The following ALG13 variants were observed in gnomAD, a reference collection of about 807,000 sequenced individuals.
ALG13 encodes the protein ALG13 UDP-N-acetylglucosaminyltransferase subunit.
A neutral mutation model predicts 87.8 loss-of-function variants in ALG13; 11 were observed. That is an observed-to-expected ratio of 0.13 (90% CI 0.08 to 0.21). The LOEUF (loss-of-function observed/expected upper bound fraction) is 0.21. Among genes scored for constraint, ALG13 ranks in the 10% least tolerant of loss-of-function variants. ALG13 has a pLI of 1.00. For synonymous variants in ALG13, 320 were observed against 306.3 expected (o/e 1.04, Z -0.47); for missense variants, 756 against 866.1 (o/e 0.87, Z 1.60).
rs766333244 is a variant in ALG13, at chrX:111,705,563, G to C, written c.384-2464G>C. Among the ~76,000 whole-genome samples the C allele has an allele frequency of 8.1e-5, 9 of 111,057 alleles. No individual in the cohort carries two copies. The East Asian group carries it at 2.2e-3, about 28-fold the overall frequency. On this transcript the variant is annotated intron_variant, in intron 3 of 26. Coordinates refer to ENST00000394780, the MANE Select transcript of ALG13 (RefSeq NM_001099922.3). ...CAGGATCTTAAAGATTTTCTCCTAT[G>C]TTTTATTTTTTAAAATTTTGAAGTT...
chrX:111,683,856 G>A (rs148238757), intron 2 of ALG13, among the ~76,000 whole-genome samples: 1,771 of 111,793 alleles, frequency 0.016, 37 homozygotes, highest in African/African-American at 0.055. Flanking sequence ...GAAGTGGTCA[G>A]GGTTTTTCAT....
chrX:111,691,961 A>G (rs1037467286), intron 3 of ALG13, among the ~76,000 whole-genome samples: 7 of 111,488 alleles, frequency 6.3e-5, no homozygotes, highest in African/African-American at 2.0e-4. Context: ...TGGAATTTTC[A>G]GCATTCCCAC....
chrX:111,699,912 C>T (rs781645005), intron 3 of ALG13, among the ~76,000 whole-genome samples: 3 of 108,772 alleles, frequency 2.8e-5, no homozygotes, highest in South Asian at 3.9e-4. Context: ...TTTTCTATTT[C>T]GGCAAAAATG....
chrX:111,687,995 A>G (rs926361487), intron 3 of ALG13: 5 of 1,156,155 alleles, frequency 4.3e-6, no homozygotes, highest in Non-Finnish European at 3.5e-6. Context: ...TTGGATTACA[A>G]AAATAAACAC....
chrX:111,728,792 A>G (rs1444530443), intron 19 of ALG13, among the ~76,000 whole-genome samples: 1 of 111,124 alleles, frequency 9.0e-6, no homozygotes, highest in African/African-American at 3.3e-5. Flanking sequence ...CTACTAAGTC[A>G]TTATATTCAT....
chrX:111,694,415 A>G (rs1422601919), intron 3 of ALG13, among the ~76,000 whole-genome samples: 7 of 112,486 alleles, frequency 6.2e-5, no homozygotes, highest in Admixed American at 1.9e-4. Flanking sequence ...TAGCCAATAC[A>G]TTTTTGAAAC....
chrX:111,755,528 A>G (rs1014820916), intron 25 of ALG13, among the ~76,000 whole-genome samples: 4 of 112,492 alleles, frequency 3.6e-5, no homozygotes, highest in African/African-American at 9.7e-5. Context: ...TTTGCAATCT[A>G]TCCATCTGAC....
intron 3 of ALG13, among the ~76,000 whole-genome samples, chrX:111,685,683 G>A (rs779906644): frequency 8.9e-6 from 1 of 112,203 alleles, no homozygotes; most frequent in Admixed American, 9.5e-5. Flanking sequence ...GTGGTGAAAT[G>A]TACTATGAAG....
intron 8 of ALG13, among the ~76,000 whole-genome samples, chrX:111,716,634 C>T (rs1940642309): frequency 8.9e-6 from 1 of 112,200 alleles, no homozygotes; most frequent in South Asian, 3.7e-4. Flanking sequence ...AAGCTTGACA[C>T]TTGACTTCAG....
At chrX:111,738,736 C>G (rs1415732911) in intron 23 of ALG13, among the ~76,000 whole-genome samples, 2 of 109,118 alleles carry the variant, frequency 1.8e-5, no homozygotes, top group Non-Finnish European at 3.8e-5. Flanking sequence ...AGGGTCTTGC[C>G]ATGTTGCCCA....
rs56717389 is a variant in ALG13 at position 111,744,768 on chromosome X, ACCTCCTCCTCCTCCTCCT to A, written c.2818_2835del (p.Pro940_Pro945del). On this transcript the variant is annotated inframe_deletion, in exon 24 of 27. Transcript: ENST00000394780. ...CACCACCACCACCACCACCACCACC[ACCTCCTCCTCCTCCTCCT>A]CCTCCTCCTCCTCCTCCTCCTGCTC... 19 of 594,555 alleles carry A rather than the reference ACCTCCTCCTCCTCCTCCT, an allele frequency of 3.2e-5. No individual in the cohort carries two copies. Among genetic ancestry groups the A allele is most frequent in the African/African-American group, 1.2e-4 (3 of 24,400 alleles). The allele number at this position is 594,555 out of a possible 1,213,427, so 49.0% of individuals were successfully genotyped here.
At chrX:111,740,553 T>C (rs1230506169) in intron 23 of ALG13, among the ~76,000 whole-genome samples, 1 of 110,940 alleles carries the variant, frequency 9.0e-6, no homozygotes, top group African/African-American at 3.3e-5. Context: ...AATAAACGGC[T>C]CTGTGGAGAA....
intron 18 of ALG13, 54 bp from the exon 19 acceptor site, chrX:111,728,131 T>C: frequency 3.3e-6 from 4 of 1,206,683 alleles, no homozygotes; most frequent in Non-Finnish European, 4.5e-6. Context: ...CCTCTAGCTT[T>C]TTTTTCTGAC....
chrX:111,687,891 C>A, intron 3 of ALG13: 1 of 1,156,155 alleles, frequency 8.6e-7, no homozygotes, highest in Non-Finnish European at 1.2e-6. Flanking sequence ...TTTTAGCACG[C>A]TTCCTGGGCT....
At chrX:111,721,737 T>C (rs1273196263) in intron 12 of ALG13, 26 bp downstream of exon 12, 1 of 1,023,157 alleles carries the variant, frequency 9.8e-7, no homozygotes. Context: ...CAGGATACTT[T>C]TGAATCCTGA....
chrX:111,721,052 C>T (rs1279293453), intron 11 of ALG13, among the ~76,000 whole-genome samples: 4 of 99,845 alleles, frequency 4.0e-5, no homozygotes, highest in South Asian at 4.8e-4. Context: ...TAAAGAACGA[C>T]GTGGTTTTTT....
chrX:111,758,417 A>G (rs945276087), intron 26 of ALG13, among the ~76,000 whole-genome samples: 8 of 112,335 alleles, frequency 7.1e-5, no homozygotes, highest in African/African-American at 2.6e-4. Flanking sequence ...TTTGTTGCCA[A>G]AGATACAATT....
At position 111,728,187 on chromosome X, in the gene ALG13, T is replaced by A. The variant is rs1942274182; in HGVS notation, c.2250T>A (p.Asn750Lys). 1 of 1,209,595 alleles carries A rather than the reference T, an allele frequency of 8.3e-7. No homozygotes were observed. Among genetic ancestry groups the A allele is most frequent in the Admixed American group, 2.2e-5 (1 of 45,717 alleles). Residue 750 changes from asparagine (N) to lysine (K), a missense_variant and splice_region_variant, in exon 19 of 27, where the codon AAT becomes AAA. Coordinates refer to ENST00000394780, the MANE Select transcript of ALG13 (RefSeq NM_001099922.3). ...GDETAYPTLP[N>K]HGGPSTMVPA... ...GTGTGTGTGTCTCTCTGATACAGAA[T>A]CATGGAGGTCCCTCTACAATGGTTC...
intron 23 of ALG13, among the ~76,000 whole-genome samples, chrX:111,740,549 C>T (rs889195568): frequency 5.4e-5 from 6 of 110,877 alleles, no homozygotes; most frequent in South Asian, 3.8e-4. Flanking sequence ...TAAAAATAAA[C>T]GGCTCTGTGG....
Sources: allele counts gnomAD v4.1 joint callset (sites outside exome capture counted in the v4.1 genomes callset), GRCh38; gene constraint gnomAD v4.1.1; transcripts MANE v1.5; gene names NCBI Gene and HGNC (gene_info 2026-07-23, HGNC 2026-07-21).